Variants in GRID2 observed in about 807,000 individuals in gnomAD.
GRID2 encodes the protein glutamate receptor ionotropic, delta-2.
GRID2 carries 33 observed loss-of-function variants against 114.8 expected under a neutral mutation model. The ratio of observed to expected loss-of-function variants is 0.29; its 90% CI spans 0.22 to 0.38. GRID2 has a LOEUF of 0.38. Ranked by LOEUF, GRID2 falls within the 10% of genes least tolerant of loss-of-function variation. GRID2 has a pLI of 1.00. For synonymous variants in GRID2, 505 were observed against 449.9 expected (o/e 1.12, Z -1.55); for missense variants, 1,184 against 1,257.7 (o/e 0.94, Z 0.89).
intron 2 of GRID2, among the ~76,000 whole-genome samples, chr4:92,705,982 A>C (rs1005903266): frequency 1.3e-5 from 2 of 152,168 alleles, no homozygotes; most frequent in Admixed American, 1.3e-4. Flanking sequence ...ATTAGAGTGA[A>C]ACGTTAGTGA....
intron 5 of GRID2, 89 bp downstream of exon 5, chr4:93,207,546 G>A (rs958148825): frequency 3.4e-5 from 27 of 797,014 alleles, no homozygotes; most frequent in African/African-American, 1.1e-4. Flanking sequence ...ATTTTTAAGC[G>A]GAAACAAAAC....
At chr4:92,944,734 A>G (rs1751485675) in intron 2 of GRID2, among the ~76,000 whole-genome samples, 1 of 152,176 alleles carries the variant, frequency 6.6e-6, no homozygotes, top group Non-Finnish European at 1.5e-5. Flanking sequence ...GATTTTTTAA[A>G]TCTACATAAA....
chr4:93,018,976 G>T (rs1723025539), intron 2 of GRID2, among the ~76,000 whole-genome samples: 1 of 152,116 alleles, frequency 6.6e-6, no homozygotes, highest in South Asian at 2.1e-4. Flanking sequence ...ATCAGAAAAT[G>T]CATATTTAGT....
chr4:93,163,386 A>ACACAT (rs1560941795), intron 4 of GRID2, among the ~76,000 whole-genome samples: 1 of 45,308 alleles, frequency 2.2e-5, no homozygotes, highest in African/African-American at 8.2e-5. Context: ...ATATATATAT[A>ACACAT]TATATATATA....
At chr4:93,247,748 T>TTAAATATATATTTATATA (rs1288580477) in intron 8 of GRID2, among the ~76,000 whole-genome samples, 2 of 151,484 alleles carry the variant, frequency 1.3e-5, no homozygotes, top group Non-Finnish European at 2.9e-5. Context: ...ATATTTATAT[T>TTAAATATATATTTATATA]TAAATATATA....
At chr4:92,444,657 T>C (rs1733349371) in intron 1 of GRID2, among the ~76,000 whole-genome samples, 1 of 152,152 alleles carries the variant, frequency 6.6e-6, no homozygotes, top group Admixed American at 6.5e-5. Context: ...GCCTGACATT[T>C]CGTACTATGG....
chr4:92,493,545 CT>C (rs1723248213), intron 1 of GRID2, among the ~76,000 whole-genome samples: 2 of 152,272 alleles, frequency 1.3e-5, no homozygotes, highest in African/African-American at 4.8e-5. Context: ...AGTGCAGCAG[CT>C]TAGAGGTGTG....
chr4:93,528,744 A>T (rs960936755), intron 13 of GRID2, among the ~76,000 whole-genome samples: 1 of 152,160 alleles, frequency 6.6e-6, no homozygotes, highest in African/African-American at 2.4e-5. Context: ...AAAAGAAGCA[A>T]GTCAGAATGG....
intron 8 of GRID2, among the ~76,000 whole-genome samples, chr4:93,278,465 C>G (rs182188323): frequency 2.7e-4 from 41 of 151,830 alleles, no homozygotes; most frequent in Admixed American, 1.9e-3. Context: ...AGGAATGGCT[C>G]TTAGTGCTAG....
At chr4:92,818,673 G>T (rs938691000) in intron 2 of GRID2, among the ~76,000 whole-genome samples, 6 of 152,070 alleles carry the variant, frequency 3.9e-5, no homozygotes, top group African/African-American at 1.4e-4. Flanking sequence ...CTATACCATT[G>T]AAATCTCTTA....
At chr4:92,398,362 G>A (rs1730610932) in intron 1 of GRID2, among the ~76,000 whole-genome samples, 1 of 152,176 alleles carries the variant, frequency 6.6e-6, no homozygotes, top group Admixed American at 6.5e-5. Context: ...GTGCAGTGGT[G>A]TAATCACGGC....
intron 13 of GRID2, among the ~76,000 whole-genome samples, chr4:93,517,837 A>T (rs977558577): frequency 2.0e-5 from 3 of 151,418 alleles, no homozygotes; most frequent in African/African-American, 7.2e-5. Context: ...CTTTTAGGTC[A>T]ACATTTCACA....
At chr4:93,256,435 T>A (rs985274578) in intron 8 of GRID2, among the ~76,000 whole-genome samples, 4 of 151,952 alleles carry the variant, frequency 2.6e-5, no homozygotes, top group African/African-American at 2.4e-5. Flanking sequence ...TTGGTTTTTT[T>A]TTTTGGTCAC....
intron 2 of GRID2, among the ~76,000 whole-genome samples, chr4:92,749,791 C>A (rs1482570890): frequency 1.3e-5 from 2 of 152,090 alleles, no homozygotes; most frequent in African/African-American, 2.4e-5. Context: ...GGAATATATT[C>A]TTTAGGATCA....
intron 1 of GRID2, among the ~76,000 whole-genome samples, chr4:92,504,889 AT>A (rs1266852183): frequency 1.3e-5 from 2 of 152,008 alleles, no homozygotes; most frequent in African/African-American, 4.8e-5. Context: ...AATATTCAGA[AT>A]TTTTTTCCAA....
At chr4:93,353,241 G>C (rs746823066) in intron 8 of GRID2, among the ~76,000 whole-genome samples, 1 of 151,960 alleles carries the variant, frequency 6.6e-6, no homozygotes, top group African/African-American at 2.4e-5. Context: ...CTTAATAGGA[G>C]AGCTGTCACC....
chr4:92,956,003 G>C (rs1752381334), intron 2 of GRID2, among the ~76,000 whole-genome samples: 1 of 152,158 alleles, frequency 6.6e-6, no homozygotes, highest in African/African-American at 2.4e-5. Flanking sequence ...ACAGGCATGA[G>C]CCACTGCGCC....
At chr4:92,304,841 G>T in intron 1 of GRID2, 97 bp downstream of exon 1, 1 of 870,084 alleles carries the variant, frequency 1.1e-6, no homozygotes, top group Admixed American at 1.9e-5. Flanking sequence ...TGTGTGTCTT[G>T]TTGGAGGTGG....
intron 4 of GRID2, among the ~76,000 whole-genome samples, chr4:93,133,857 C>A (rs558323163): frequency 2.0e-5 from 3 of 152,212 alleles, no homozygotes; most frequent in East Asian, 3.9e-4. Flanking sequence ...CAGTTTAATT[C>A]TTGATCTTCT....
Sources: allele counts gnomAD v4.1 joint callset (sites outside exome capture counted in the v4.1 genomes callset), GRCh38; gene constraint gnomAD v4.1.1; transcripts MANE v1.5; gene names NCBI Gene and HGNC (gene_info 2026-07-23, HGNC 2026-07-21).